DPP10: variants seen among roughly 807,000 people sequenced by gnomAD.
DPP10 encodes the protein dipeptidyl peptidase like 10, also known as inactive dipeptidyl peptidase 10.
Under a neutral mutation model 120.9 loss-of-function variants are expected in DPP10, and 33 were observed. The observed-to-expected ratio is 0.27, with a 90% CI of 0.21 to 0.37. The LOEUF is 0.37. DPP10 is among the 10% of genes least tolerant of loss of function. DPP10 has a pLI of 1.00. For missense variants in DPP10, 816 were observed against 942.8 expected (o/e 0.87, Z 1.76); for synonymous variants, 337 against 326.1 (o/e 1.03, Z -0.36).
chr2:114,691,183 G>A (rs1699720725), intron 1 of DPP10, among the ~76,000 whole-genome samples: 1 of 151,948 alleles, frequency 6.6e-6, no homozygotes, highest in African/African-American at 2.4e-5. Flanking sequence ...CCCATTAAGT[G>A]TGATATTAGC....
intron 1 of DPP10, among the ~76,000 whole-genome samples, chr2:114,972,669 A>G (rs894280257): frequency 7.9e-5 from 12 of 152,136 alleles, no homozygotes; most frequent in Non-Finnish European, 1.8e-4. Flanking sequence ...TTGGACCTAC[A>G]TGTTTCTTTG....
At chr2:115,214,766 A>G (rs1278276636) in intron 1 of DPP10, among the ~76,000 whole-genome samples, 1 of 152,150 alleles carries the variant, frequency 6.6e-6, no homozygotes, top group Non-Finnish European at 1.5e-5. Context: ...TTTCTGTATC[A>G]ACTCATCACA....
intron 1 of DPP10, among the ~76,000 whole-genome samples, chr2:114,800,807 G>A (rs1684127216): frequency 6.6e-6 from 1 of 152,088 alleles, no homozygotes; most frequent in Non-Finnish European, 1.5e-5. Context: ...TGATCCTGAA[G>A]CTACTGCCCT....
chr2:115,491,306 C>T (rs545958278), intron 3 of DPP10, among the ~76,000 whole-genome samples: 4 of 152,136 alleles, frequency 2.6e-5, no homozygotes, highest in South Asian at 2.1e-4. Flanking sequence ...GTATCCAGGG[C>T]AGGGGGAGTC....
intron 5 of DPP10, among the ~76,000 whole-genome samples, chr2:115,537,905 A>C (rs1016602922): frequency 6.6e-6 from 1 of 151,912 alleles, no homozygotes; most frequent in Admixed American, 6.6e-5. Context: ...GCAAGTTGAT[A>C]CCAGTTGTTG....
chr2:114,794,189 C>T (rs1213565085), intron 1 of DPP10, among the ~76,000 whole-genome samples: 1 of 152,100 alleles, frequency 6.6e-6, no homozygotes, highest in Non-Finnish European at 1.5e-5. Flanking sequence ...TTGTCCATGA[C>T]TGGTAATTAC....
chr2:115,175,475 A>G (rs72955518), intron 1 of DPP10, among the ~76,000 whole-genome samples: 59 of 152,316 alleles, frequency 3.9e-4, no homozygotes, highest in African/African-American at 1.3e-3. Context: ...CCACTTGCAC[A>G]TGGGGCAAGC....
intron 3 of DPP10, among the ~76,000 whole-genome samples, chr2:115,478,134 C>A (rs949104702): frequency 1.3e-5 from 2 of 152,126 alleles, no homozygotes; most frequent in Non-Finnish European, 2.9e-5. Flanking sequence ...GCCCCACCTC[C>A]AACACTGGGG....
intron 1 of DPP10, among the ~76,000 whole-genome samples, chr2:114,567,767 A>G (rs1014197793): frequency 2.0e-5 from 3 of 152,142 alleles, no homozygotes; most frequent in African/African-American, 7.2e-5. Context: ...GGTAACAGAA[A>G]ACCAAACACT....
intron 5 of DPP10, among the ~76,000 whole-genome samples, chr2:115,543,158 C>T (rs577395453): frequency 1.5e-4 from 23 of 152,068 alleles, no homozygotes; most frequent in African/African-American, 5.3e-4. Flanking sequence ...AATCAGAGGA[C>T]ATTGCATCAC....
At chr2:115,486,989 C>T (rs116298344) in intron 3 of DPP10, among the ~76,000 whole-genome samples, 247 of 152,070 alleles carry the variant, frequency 1.6e-3, no homozygotes, top group African/African-American at 5.6e-3. Context: ...TAAATAAAAA[C>T]GAACTTTATT....
intron 1 of DPP10, among the ~76,000 whole-genome samples, chr2:114,455,664 T>C (rs1338151539): frequency 6.6e-6 from 1 of 151,768 alleles, no homozygotes; most frequent in Non-Finnish European, 1.5e-5. Context: ...TTTTCCATAA[T>C]AAGAAGAAAA....
At chr2:115,368,984 A>G (rs1232351824) in intron 3 of DPP10, among the ~76,000 whole-genome samples, 1 of 151,878 alleles carries the variant, frequency 6.6e-6, no homozygotes, top group Admixed American at 6.6e-5. Context: ...AAAATTGACC[A>G]TTTTCACTAA....
intron 15 of DPP10, among the ~76,000 whole-genome samples, chr2:115,780,369 T>C (rs1682606129): frequency 6.6e-6 from 1 of 151,858 alleles, no homozygotes. Context: ...TGCAAGTAAA[T>C]GATGGGGAAA....
At chr2:114,993,747 CTA>C (rs1700904570) in intron 1 of DPP10, among the ~76,000 whole-genome samples, 1 of 151,836 alleles carries the variant, frequency 6.6e-6, no homozygotes, top group African/African-American at 2.4e-5. Context: ...GGTTGTACGA[CTA>C]TGTGCCCATG....
intron 1 of DPP10, among the ~76,000 whole-genome samples, chr2:114,539,722 A>G (rs557601868): frequency 1.7e-4 from 26 of 152,298 alleles, no homozygotes; most frequent in African/African-American, 6.0e-4. Flanking sequence ...CAAAGAATAT[A>G]CTCAATAAAT....
intron 1 of DPP10, among the ~76,000 whole-genome samples, chr2:115,154,208 C>G (rs1318961237): frequency 1.3e-5 from 2 of 152,124 alleles, no homozygotes; most frequent in Non-Finnish European, 2.9e-5. Flanking sequence ...TCTTCCTCCT[C>G]CAAATTTAGT....
At chr2:114,828,747 A>T (rs1009699808) in intron 1 of DPP10, 1 of 152,258 alleles carries the variant, frequency 6.6e-6, no homozygotes, top group Non-Finnish European at 1.5e-5. Flanking sequence ...TTTGCAGAGA[A>T]GTTAGTCATT....
At chr2:115,066,584 T>C (rs950668799) in intron 1 of DPP10, 3 of 152,120 alleles carry the variant, frequency 2.0e-5, no homozygotes, top group African/African-American at 7.2e-5. Context: ...CAACAAACTG[T>C]TAGAATAACA....
Sources: allele counts gnomAD v4.1 joint callset (sites outside exome capture counted in the v4.1 genomes callset), GRCh38; gene constraint gnomAD v4.1.1; transcripts MANE v1.5; gene names NCBI Gene and HGNC (gene_info 2026-07-23, HGNC 2026-07-21).